The following CDKAL1 variants were observed in gnomAD, a reference collection of about 807,000 sequenced individuals.
The protein encoded by CDKAL1 is threonylcarbamoyladenosine tRNA methylthiotransferase.
In CDKAL1, 32 loss-of-function variants were observed where a neutral mutation model predicts 68.2. That is an observed-to-expected ratio of 0.47 (90% CI 0.35 to 0.63). The LOEUF is 0.63. Ranked by LOEUF, CDKAL1 falls within the 30% of genes least tolerant of loss-of-function variation. The pLI is 0.00. For missense variants in CDKAL1, 606 were observed against 696.7 expected, an observed-to-expected ratio of 0.87 and a Z score of 1.47; for synonymous variants, 234 against 244.3, an observed-to-expected ratio of 0.96 and a Z score of 0.39.
chr6:21,008,324 A>T (rs1208338531), intron 11 of CDKAL1, among the ~76,000 whole-genome samples: 1 of 152,164 alleles, frequency 6.6e-6, no homozygotes, highest in East Asian at 1.9e-4. Context: ...AAGGGTAAGA[A>T]CAGAAGTCTA....
intron 12 of CDKAL1, among the ~76,000 whole-genome samples, chr6:21,091,857 C>CTTTTTTTTTTTTTTTTT (rs70990099): frequency 5.7e-5 from 4 of 70,538 alleles, no homozygotes; most frequent in Non-Finnish European, 1.0e-4. Flanking sequence ...TCAGAACTTT[C>CTTTTTTTTTTTTTTTTT]TTTTTTTTTT....
chr6:21,162,978 G>A (rs1267223128), intron 13 of CDKAL1, among the ~76,000 whole-genome samples: 1 of 152,094 alleles, frequency 6.6e-6, no homozygotes, highest in Non-Finnish European at 1.5e-5. Context: ...AGAGGGAAAG[G>A]GGGAGGGAGG....
intron 4 of CDKAL1, among the ~76,000 whole-genome samples, chr6:20,589,302 A>C (rs1447398543): frequency 6.6e-6 from 1 of 152,146 alleles, no homozygotes. Context: ...TGTTAGTAAA[A>C]ACACTAGTAA....
intron 9 of CDKAL1, among the ~76,000 whole-genome samples, chr6:20,862,884 A>G (rs2150526643): frequency 6.6e-6 from 1 of 152,178 alleles, no homozygotes; most frequent in Admixed American, 6.5e-5. Flanking sequence ...AAAATTAGCT[A>G]GGTGTGGTGG....
At chr6:21,141,390 T>C (rs1057113139) in intron 13 of CDKAL1, among the ~76,000 whole-genome samples, 43 of 152,242 alleles carry the variant, frequency 2.8e-4, no homozygotes, top group African/African-American at 1.0e-3. Flanking sequence ...TTCAAAGCAC[T>C]CTGTGCTTCC....
At chr6:20,583,988 G>GA (rs1203318566) in intron 4 of CDKAL1, among the ~76,000 whole-genome samples, 1 of 151,050 alleles carries the variant, frequency 6.6e-6, no homozygotes, top group African/African-American at 2.4e-5. Flanking sequence ...CAGATTACAG[G>GA]ATCTGGATTT....
intron 5 of CDKAL1, among the ~76,000 whole-genome samples, chr6:20,679,016 C>T (rs1770251248): frequency 6.6e-6 from 1 of 152,116 alleles, no homozygotes; most frequent in African/African-American, 2.4e-5. Context: ...GGGATCTTCC[C>T]ACTTCAGCCT....
At chr6:21,137,914 C>A (rs766845399) in intron 13 of CDKAL1, among the ~76,000 whole-genome samples, 2 of 152,224 alleles carry the variant, frequency 1.3e-5, no homozygotes, top group Non-Finnish European at 2.9e-5. Flanking sequence ...ATTTCTAGAA[C>A]AACGCTCTGT....
At chr6:21,228,236 G>C (rs1337197424) in intron 15 of CDKAL1, among the ~76,000 whole-genome samples, 2 of 152,108 alleles carry the variant, frequency 1.3e-5, no homozygotes, top group Non-Finnish European at 2.9e-5. Context: ...AAGGCTTCAG[G>C]ACCCACAAAA....
intron 11 of CDKAL1, among the ~76,000 whole-genome samples, chr6:21,019,700 T>G (rs1359957654): frequency 6.6e-6 from 1 of 152,170 alleles, no homozygotes; most frequent in Admixed American, 6.6e-5. Context: ...TTTCCGAAAT[T>G]TTTTTCTTAA....
chr6:20,674,856 A>ATG (rs1298723316), intron 5 of CDKAL1, among the ~76,000 whole-genome samples: 1 of 152,150 alleles, frequency 6.6e-6, no homozygotes, highest in Non-Finnish European at 1.5e-5. Context: ...ACTTAACATA[A>ATG]TGTTCTCCAG....
At chr6:20,711,391 A>T (rs1158455192) in intron 5 of CDKAL1, among the ~76,000 whole-genome samples, 1 of 152,182 alleles carries the variant, frequency 6.6e-6, no homozygotes, top group Admixed American at 6.5e-5. Context: ...TAGATTCCTT[A>T]ATCACCTGTA....
At chr6:20,584,006 T>A (rs935760185) in intron 4 of CDKAL1, among the ~76,000 whole-genome samples, 1 of 151,672 alleles carries the variant, frequency 6.6e-6, no homozygotes, top group Non-Finnish European at 1.5e-5. Context: ...TTTGCCCCTT[T>A]AATGAATGTC....
intron 4 of CDKAL1, among the ~76,000 whole-genome samples, chr6:20,570,681 G>T (rs978914604): frequency 1.3e-4 from 20 of 152,206 alleles, no homozygotes; most frequent in African/African-American, 4.6e-4. Context: ...GATTACAGGT[G>T]TGCACTGGGT....
chr6:20,808,778 A>G (rs925118894), intron 8 of CDKAL1, among the ~76,000 whole-genome samples: 1 of 152,132 alleles, frequency 6.6e-6, no homozygotes, highest in African/African-American at 2.4e-5. Context: ...TGTACATTAT[A>G]CTTATTTCGT....
chr6:20,609,520 C>T (rs539383438), intron 4 of CDKAL1, among the ~76,000 whole-genome samples: 4 of 151,490 alleles, frequency 2.6e-5, no homozygotes, highest in East Asian at 1.9e-4. Flanking sequence ...CTCAGCCTCC[C>T]GAGTAGCTAG....
intron 12 of CDKAL1, among the ~76,000 whole-genome samples, chr6:21,077,345 A>G (rs371230655): frequency 6.6e-6 from 1 of 152,214 alleles, no homozygotes; most frequent in East Asian, 1.9e-4. Context: ...GAGACCTAAT[A>G]TGGTAGGCAG....
At chr6:20,985,272 G>A (rs905963316) in intron 10 of CDKAL1, among the ~76,000 whole-genome samples, 6 of 151,932 alleles carry the variant, frequency 3.9e-5, no homozygotes, top group African/African-American at 7.3e-5. Flanking sequence ...TTGTAATTAC[G>A]TTCCATGGTT....
intron 8 of CDKAL1, among the ~76,000 whole-genome samples, chr6:20,843,886 G>T (rs1318557729): frequency 1.3e-5 from 2 of 152,068 alleles, no homozygotes; most frequent in African/African-American, 4.8e-5. Context: ...CCCTGGAAGG[G>T]TACTGATTTA....
Sources: gnomAD v4.1 joint callset for allele counts (sites outside exome capture counted in the v4.1 genomes callset) on GRCh38, gnomAD v4.1.1 for gene constraint, MANE v1.5 for transcripts, NCBI Gene and HGNC (gene_info 2026-07-23, HGNC 2026-07-21) for gene names.